Variants in BMAL2 observed in about 807,000 individuals in gnomAD.
BMAL2 encodes the protein basic helix-loop-helix ARNT-like protein 2.
the BMAL2 span, chr12:27,380,342 C>T: frequency 1.9e-5 from 30 of 1,614,034 alleles, no homozygotes; most frequent in Middle Eastern, 3.3e-4. Flanking sequence ...AACCCCATGG[C>T]GCGTAAACTG....
chr12:27,333,419 C>T, the BMAL2 span, among the ~76,000 whole-genome samples: 1 of 152,226 alleles, frequency 6.6e-6, no homozygotes, highest in Admixed American at 6.5e-5. Context: ...AGCGGGGGAC[C>T]TTGCACCCGG....
the BMAL2 span, among the ~76,000 whole-genome samples, chr12:27,355,509 C>G: frequency 6.6e-6 from 1 of 152,154 alleles, no homozygotes; most frequent in Non-Finnish European, 1.5e-5. Flanking sequence ...TTCTGTGTGT[C>G]TCTTGCTTTC....
At chr12:27,368,513 A>G in the BMAL2 span, 4 of 1,406,762 alleles carry the variant, frequency 2.8e-6, no homozygotes, top group Non-Finnish European at 3.9e-6. Context: ...GTTCATGGTA[A>G]CATTTGGAGA....
the BMAL2 span, among the ~76,000 whole-genome samples, chr12:27,356,614 C>CT: frequency 2.6e-4 from 40 of 152,156 alleles, no homozygotes; most frequent in African/African-American, 9.7e-4. Flanking sequence ...GAGAAAAATC[C>CT]TTTGATTGGC....
the BMAL2 span, chr12:27,420,368 T>C: frequency 1.2e-6 from 2 of 1,613,032 alleles, no homozygotes; most frequent in Admixed American, 1.7e-5. Flanking sequence ...TCACCTTTAC[T>C]TACACAGGCC....
chr12:27,332,894 C>G, the BMAL2 span: 2 of 241,804 alleles, frequency 8.3e-6, no homozygotes, highest in Non-Finnish European at 1.4e-5. Flanking sequence ...GGCCGGGCTG[C>G]GGGGCGGCGT....
chr12:27,400,831 AG>A, the BMAL2 span: 1 of 1,469,870 alleles, frequency 6.8e-7, no homozygotes, highest in Non-Finnish European at 9.1e-7. Flanking sequence ...AAGCTATTAA[AG>A]GCGTGTCTTA....
chr12:27,350,222 A>G, the BMAL2 span, among the ~76,000 whole-genome samples: 1 of 152,162 alleles, frequency 6.6e-6, no homozygotes, highest in Admixed American at 6.5e-5. Flanking sequence ...CACAGCACTA[A>G]CTGATGCTTT....
chr12:27,350,080 A>T, the BMAL2 span, among the ~76,000 whole-genome samples: 1 of 152,224 alleles, frequency 6.6e-6, no homozygotes, highest in Non-Finnish European at 1.5e-5. Flanking sequence ...AAATTGGTAT[A>T]GGTTGTCAAA....
At chr12:27,400,876 G>C in the BMAL2 span, 1 of 1,081,134 alleles carries the variant, frequency 9.2e-7, no homozygotes, top group Non-Finnish European at 1.3e-6. Flanking sequence ...TCTTTTTTCT[G>C]TTTCAGAACA....
At chr12:27,420,477 C>CAT in the BMAL2 span, 1 of 1,613,636 alleles carries the variant, frequency 6.2e-7, no homozygotes, top group South Asian at 1.1e-5. Flanking sequence ...TACTTAGAAG[C>CAT]AGAGGGGGGC....
chr12:27,418,968 G>GAA, the BMAL2 span, among the ~76,000 whole-genome samples: 1 of 107,900 alleles, frequency 9.3e-6, no homozygotes. Flanking sequence ...AGCAGAACAA[G>GAA]ACTCCATCTA....
chr12:27,383,963 G>A, the BMAL2 span, among the ~76,000 whole-genome samples: 3 of 152,148 alleles, frequency 2.0e-5, no homozygotes, highest in African/African-American at 7.2e-5. Context: ...GTTCATTGGT[G>A]AGTTTGGGCC....
the BMAL2 span, chr12:27,380,328 G>A: frequency 2.1e-5 from 34 of 1,613,906 alleles, 1 homozygote; most frequent in Middle Eastern, 3.3e-4. Context: ...TGATCCCTCA[G>A]TGCAACCCCA....
At chr12:27,409,679 C>T in the BMAL2 span, among the ~76,000 whole-genome samples, 1 of 152,184 alleles carries the variant, frequency 6.6e-6, no homozygotes, top group African/African-American at 2.4e-5. Context: ...AGGACATAGG[C>T]ATGGGCAAGG....
the BMAL2 span, chr12:27,369,990 G>A: frequency 0.14 from 87,897 of 633,974 alleles, 6,792 homozygotes; most frequent in Non-Finnish European, 0.17. Context: ...TTCCAGATGT[G>A]GTATTTTCTC....
the BMAL2 span, among the ~76,000 whole-genome samples, chr12:27,350,994 C>CTTTT: frequency 1.1e-5 from 1 of 94,290 alleles, no homozygotes; most frequent in Non-Finnish European, 2.1e-5. Flanking sequence ...CCCACCCCCC[C>CTTTT]TTTTTTTTTT....
chr12:27,379,227 G>T, the BMAL2 span, among the ~76,000 whole-genome samples: 19 of 152,094 alleles, frequency 1.2e-4, no homozygotes, highest in African/African-American at 4.6e-4. Flanking sequence ...TTGAAAATGG[G>T]GGTACATCGC....
chr12:27,390,293 TAAATATTTTCTGTACAGAAAAAATA>T, the BMAL2 span: 1 of 1,546,734 alleles, frequency 6.5e-7, no homozygotes, highest in East Asian at 2.3e-5. Flanking sequence ...ATTAATGTCC[TAAATATTTTCTGTACAGAAAAAATA>T]AAATATATGG....
Sources: gnomAD v4.1 joint callset for allele counts (sites outside exome capture counted in the v4.1 genomes callset) on GRCh38, gnomAD v4.1.1 for gene constraint, MANE v1.5 for transcripts, NCBI Gene and HGNC (gene_info 2026-07-23, HGNC 2026-07-21) for gene names.